Variants in MED27 observed in about 807,000 individuals in gnomAD.
MED27 encodes the protein mediator of RNA polymerase II transcription subunit 27.
In MED27, 30 loss-of-function variants were observed where a neutral mutation model predicts 38.2. The observed-to-expected ratio is 0.79, with a 90% CI of 0.59 to 1.07. The LOEUF (loss-of-function observed/expected upper bound fraction) is 1.07, where lower values mean the gene tolerates loss of function less well. MED27 is among the 50% of genes least tolerant of loss of function. The pLI, the probability that MED27 is intolerant of heterozygous loss-of-function variation, is 0.00. For missense variants in MED27, 289 were observed against 397.5 expected (o/e 0.73, Z 2.32); for synonymous variants, 122 against 153.5 (o/e 0.79, Z 1.52).
chr9:131,913,573 C>T lies in MED27; in HGVS notation c.574-19581G>A, dbSNP rs1272053582. On this transcript the variant is annotated intron_variant, in intron 4 of 7. Coordinates refer to ENST00000292035, the MANE Select transcript of MED27 (RefSeq NM_004269.4). The surrounding 1 kb of genome is among the most constrained non-coding windows in gnomAD (Gnocchi z 4.5). ...TTCTAGGATCAAAAGGCAAATCTCA[C>T]TGTTCACTTGTATTTCTCCCTGTTT... 1.3e-5 allele frequency among the ~76,000 whole-genome samples: 2 copies of T among 152,206 alleles called. No homozygotes were observed. Among genetic ancestry groups the T allele is most frequent in the East Asian group, 3.8e-4 (2 of 5,198 alleles).
At chr9:131,993,122 G>A (rs1832013166) in intron 3 of MED27, among the ~76,000 whole-genome samples, 1 of 152,056 alleles carries the variant, frequency 6.6e-6, no homozygotes, top group Non-Finnish European at 1.5e-5. Flanking sequence ...CAGCTTGACT[G>A]TAAATTCCTG....
Position 131,982,583 on chromosome 9 carries a change from T to C in MED27, c.479+31754A>G, listed in dbSNP as rs1042325273. Among the ~76,000 whole-genome samples the C allele has an allele frequency of 1.3e-5, 2 of 152,250 alleles. No individual in the cohort carries two copies. The highest frequency in any genetic ancestry group is 4.8e-5 in the African/African-American group (2 of 41,476). ...TCATGACTACCCATGAAGCAGATAC[T>C]GTTATCCCCATTTTACAGATGGGAA... On this transcript the variant is annotated intron_variant, in intron 3 of 7. Transcript: ENST00000292035. The surrounding 1 kb of genome is among the most constrained non-coding windows in gnomAD (Gnocchi z 4.3).
chr9:132,037,623 C>A (rs1252100743), intron 2 of MED27, among the ~76,000 whole-genome samples: 2 of 152,166 alleles, frequency 1.3e-5, no homozygotes, highest in Non-Finnish European at 2.9e-5. Context: ...AATATGCAAA[C>A]AAATCCACAG....
intron 2 of MED27, among the ~76,000 whole-genome samples, chr9:132,035,768 G>A (rs1564334160): frequency 6.6e-6 from 1 of 152,136 alleles, no homozygotes; most frequent in Non-Finnish European, 1.5e-5. Context: ...TTCAAGACCA[G>A]CCTAGGCAAC....
intron 3 of MED27, among the ~76,000 whole-genome samples, chr9:132,002,555 G>T (rs950492021): frequency 6.6e-6 from 1 of 152,096 alleles, no homozygotes. Context: ...ACCCTAACCA[G>T]GGACTTGCTT....
chr9:131,887,395 C>T (rs561434534), intron 5 of MED27, among the ~76,000 whole-genome samples: 1 of 152,224 alleles, frequency 6.6e-6, no homozygotes, highest in South Asian at 2.1e-4. Context: ...ATAATACGGT[C>T]TATTTACCTG....
intron 2 of MED27, among the ~76,000 whole-genome samples, chr9:132,030,645 C>A (rs543989863): frequency 8.5e-5 from 13 of 152,234 alleles, no homozygotes; most frequent in Admixed American, 6.5e-4. Flanking sequence ...GAAAAGAAGA[C>A]CCTTCATGAA....
chr9:131,870,353 A>G (rs1057153793), intron 6 of MED27, among the ~76,000 whole-genome samples: 2 of 152,194 alleles, frequency 1.3e-5, no homozygotes, highest in Non-Finnish European at 2.9e-5. Flanking sequence ...ATGCAGGGAC[A>G]GTGCACTGAC....
intron 2 of MED27, among the ~76,000 whole-genome samples, chr9:132,049,322 G>A (rs796474447): frequency 5.9e-5 from 9 of 152,286 alleles, no homozygotes; most frequent in African/African-American, 2.2e-4. Flanking sequence ...AGATACACAA[G>A]AGTGATGGAG....
chr9:131,963,782 G>A (rs1229540195), intron 3 of MED27, among the ~76,000 whole-genome samples: 1 of 152,102 alleles, frequency 6.6e-6, no homozygotes, highest in East Asian at 1.9e-4. Context: ...TGTTATATAA[G>A]CATTGGCTCC....
At position 131,982,606 on chromosome 9, in the gene MED27, G is replaced by GA. The variant is rs1831760148; in HGVS notation, c.479+31730dup. On this transcript the variant is annotated intron_variant, in intron 3 of 7. Coordinates refer to ENST00000292035, the MANE Select transcript of MED27 (RefSeq NM_004269.4). This position sits in a 1 kb window ranked among gnomAD's most constrained non-coding sequence, Gnocchi z 4.3. ...ACTGTTATCCCCATTTTACAGATGG[G>GA]AAAACAGCACACAAGTAACTTGGTC... Among the ~76,000 whole-genome samples the GA allele has an allele frequency of 6.6e-6, 1 of 152,192 alleles. No individual in the cohort carries two copies. Among genetic ancestry groups the GA allele is most frequent in the African/African-American group, 2.4e-5 (1 of 41,446 alleles).
chr9:131,976,630 G>A (rs1831614070), intron 3 of MED27, among the ~76,000 whole-genome samples: 1 of 152,208 alleles, frequency 6.6e-6, no homozygotes, highest in African/African-American at 2.4e-5. Flanking sequence ...AGGTAATTTA[G>A]GGAAGTTAGC....
chr9:131,947,119 T>C (rs1213023713), intron 3 of MED27, among the ~76,000 whole-genome samples: 1 of 152,118 alleles, frequency 6.6e-6, no homozygotes, highest in East Asian at 1.9e-4. Flanking sequence ...ATGAACAGAC[T>C]GTACATTAAA....
At chr9:131,950,556 T>C (rs1830975583) in intron 3 of MED27, among the ~76,000 whole-genome samples, 1 of 152,144 alleles carries the variant, frequency 6.6e-6, no homozygotes, top group Admixed American at 6.5e-5. Flanking sequence ...ATCTACATGG[T>C]AGATTTCACA....
At chr9:131,905,728 C>CAGAAAA (rs201618276) in intron 4 of MED27, among the ~76,000 whole-genome samples, 4 of 113,606 alleles carry the variant, frequency 3.5e-5, no homozygotes, top group Non-Finnish European at 7.0e-5. Flanking sequence ...AAAAAAAAAA[C>CAGAAAA]AGAAAAAGAA....
chr9:131,920,953 C>T (rs1830379670), intron 4 of MED27, among the ~76,000 whole-genome samples: 1 of 152,010 alleles, frequency 6.6e-6, no homozygotes, highest in African/African-American at 2.4e-5. Context: ...GGCAGGATGG[C>T]AGTGGGGAGG....
intron 4 of MED27, among the ~76,000 whole-genome samples, chr9:131,930,572 G>A (rs1004350589): frequency 6.6e-6 from 1 of 152,118 alleles, no homozygotes; most frequent in Non-Finnish European, 1.5e-5. Context: ...AACAAAACCT[G>A]TGGGATTTCA....
chr9:131,944,196 C>T (rs76569636), intron 3 of MED27, among the ~76,000 whole-genome samples: 1 of 152,184 alleles, frequency 6.6e-6, no homozygotes, highest in African/African-American at 2.4e-5. Flanking sequence ...CCAGCTTGCT[C>T]CTTTCAATGG....
intron 5 of MED27, among the ~76,000 whole-genome samples, chr9:131,888,478 C>A (rs1405145265): frequency 6.6e-6 from 1 of 151,732 alleles, no homozygotes; most frequent in Non-Finnish European, 1.5e-5. Context: ...CTTCTGGGAG[C>A]ATAGTTCTGC....
Sources: gnomAD v4.1 joint callset for allele counts (sites outside exome capture counted in the v4.1 genomes callset) on GRCh38, gnomAD v4.1.1 for gene constraint, Gnocchi (gnomAD v3.1) non-coding constraint, MANE v1.5 for transcripts, NCBI Gene and HGNC (gene_info 2026-07-23, HGNC 2026-07-21) for gene names.